DHRS4L2: variants seen among roughly 807,000 people sequenced by gnomAD.
DHRS4L2 encodes dehydrogenase/reductase SDR family member 4-like 2.
Under a neutral mutation model 23.9 loss-of-function variants are expected in DHRS4L2, and 22 were observed. The observed-to-expected ratio is 0.92, with a 90% CI of 0.66 to 1.31. DHRS4L2 has a LOEUF of 1.31. Among genes scored for constraint, DHRS4L2 ranks in the 40% most tolerant of loss-of-function variants. DHRS4L2 has a pLI of 0.00. For synonymous variants in DHRS4L2, 141 were observed against 123.7 expected (o/e 1.14, Z -0.93); for missense variants, 385 against 303.3 (o/e 1.27, Z -2.00).
chr14:24,004,453 GCAGCCCACAGCCCGC>G (rs1411327540), intron 7 of DHRS4L2, 61 bp downstream of exon 7: 1 of 1,560,850 alleles, frequency 6.4e-7, no homozygotes, highest in African/African-American at 1.5e-5. Flanking sequence ...CTGGTCCCTA[GCAGCCCACAGCCCGC>G]TGTCTCAGTC....
chr14:23,980,648 AC>A lies in DHRS4L2; in HGVS notation c.-175-9533del, dbSNP rs552832222. Among the ~76,000 whole-genome samples the A allele has an allele frequency of 2.7e-4, 41 of 150,202 alleles. No individual in the cohort carries two copies. In the East Asian group the frequency reaches 7.1e-3, roughly 26 times the overall value. On this transcript the variant is annotated intron_variant, in intron 1 of 5. Coordinates refer to the DHRS4L2 transcript ENST00000534993. ...ATTCCTGGGATACAAGGCTGGTTCAACATAAGCAAATCAATAAACATAGTCC... is the reference window on the plus strand; with the variant it reads ...ATTCCTGGGATACAAGGCTGGTTCAAATAAGCAAATCAATAAACATAGTCC...
At position 24,006,069 on chromosome 14, in the gene DHRS4L2, T is replaced by C; in HGVS notation, c.*206T>C. On this transcript the variant is annotated 3_prime_UTR_variant, in exon 8 of 8. Coordinates refer to ENST00000335125, the MANE Select transcript of DHRS4L2 (RefSeq NM_198083.4). ...TGGTGCTGTTCCTGCATTCACCCAC[T>C]GGCCTTTCCCACCTCTGCTCACCTT... 6.3e-7 allele frequency: 1 copy of C among 1,576,906 alleles called. No individual in the cohort carries two copies. Among genetic ancestry groups the C allele is most frequent in the Non-Finnish European group, 8.6e-7 (1 of 1,162,404 alleles).
Position 23,990,311 on chromosome 14 carries a change from T to A in DHRS4L2, c.258T>A (p.Thr86=), listed in dbSNP as rs45583341. Residue 86 remains threonine (T), a synonymous_variant, in exon 2 of 8, where the codon ACT becomes ACA. Transcript: ENST00000335125. ...LQGEGLSVTG[T]VCHVGKAEDR... ...GGGAGGGGCTGAGCGTGACGGGCAC[T>A]GTGTGCCATGTGGGGAAGGCGGAGG... 3 of 1,610,140 alleles carry A rather than the reference T, an allele frequency of 1.9e-6. No homozygotes were observed. The highest frequency in any genetic ancestry group is 3.3e-5 in the Admixed American group (2 of 59,728).
At chr14:24,000,116 T>C (rs2034458024) in intron 3 of DHRS4L2, among the ~76,000 whole-genome samples, 1 of 141,704 alleles carries the variant, frequency 7.1e-6, no homozygotes, top group African/African-American at 2.9e-5. Context: ...TAAAAAACTG[T>C]ACAGATCTAC....
chr14:23,975,201 A>G (rs1349963877), intron 1 of DHRS4L2, among the ~76,000 whole-genome samples: 1 of 151,776 alleles, frequency 6.6e-6, no homozygotes, highest in African/African-American at 2.4e-5. Flanking sequence ...TCTCAGCCCA[A>G]AATCTCCTTA....
chr14:23,998,501 T>A (rs1344763537), intron 3 of DHRS4L2, among the ~76,000 whole-genome samples: 2 of 150,390 alleles, frequency 1.3e-5, no homozygotes, highest in Non-Finnish European at 3.0e-5. Flanking sequence ...TCATCAATGA[T>A]CTTAGCTAGA....
chr14:23,981,719 C>T (rs1324863857), intron 1 of DHRS4L2, among the ~76,000 whole-genome samples: 1 of 151,620 alleles, frequency 6.6e-6, no homozygotes, highest in Non-Finnish European at 1.5e-5. Flanking sequence ...AGCAGAAGAG[C>T]AGGGTGATAG....
chr14:24,006,234 C>G lies in DHRS4L2; in HGVS notation c.*371C>G. 1 of 571,992 alleles carries G rather than the reference C, an allele frequency of 1.7e-6. No individual in the cohort carries two copies. 35.4% of individuals were successfully genotyped at this position (571,992 alleles called of 1,614,324 possible). A position where few individuals can be genotyped will look rare whatever the true frequency, so the allele number is the denominator to read the frequency against. On this transcript the variant is annotated 3_prime_UTR_variant, in exon 8 of 8. Coordinates refer to ENST00000335125, the MANE Select transcript of DHRS4L2 (RefSeq NM_198083.4). The stretch of plus-strand genomic sequence containing the variant: ...CCCCTGAGAACACAGGACAGGCCTG[C>G]TGACAAGGCTGAGTCTACCTTGGCA...
At chr14:23,994,532 A>C (rs2034337346) in intron 2 of DHRS4L2, among the ~76,000 whole-genome samples, 1 of 151,478 alleles carries the variant, frequency 6.6e-6, no homozygotes, top group Non-Finnish European at 1.5e-5. Context: ...TACAAAAAAT[A>C]CAAAAATTGC....
upstream of DHRS4L2, among the ~76,000 whole-genome samples, chr14:23,985,016 G>C (rs1472406246): frequency 1.3e-5 from 2 of 151,288 alleles, no homozygotes; most frequent in East Asian, 3.9e-4. Flanking sequence ...TTGTCAGTAA[G>C]CTGCTTGACT....
upstream of DHRS4L2, among the ~76,000 whole-genome samples, chr14:23,984,963 C>T (rs1412471634): frequency 6.6e-6 from 1 of 151,338 alleles, no homozygotes; most frequent in African/African-American, 2.4e-5. Flanking sequence ...CTTCTATACC[C>T]CTTCGTATTT....
At chr14:23,997,945 A>G (rs939236447) in intron 3 of DHRS4L2, among the ~76,000 whole-genome samples, 37 of 151,944 alleles carry the variant, frequency 2.4e-4, no homozygotes, top group Admixed American at 9.2e-4. Context: ...ATCACTATCC[A>G]TGGCAGCTAT....
At chr14:23,976,975 G>A (rs535088731) in intron 1 of DHRS4L2, among the ~76,000 whole-genome samples, 53 of 151,734 alleles carry the variant, frequency 3.5e-4, no homozygotes, top group African/African-American at 1.3e-3. Context: ...GCTGGGAGAG[G>A]GATAGCATTA....
chr14:23,980,736 C>A (rs2034036065), intron 1 of DHRS4L2, among the ~76,000 whole-genome samples: 1 of 150,928 alleles, frequency 6.6e-6, no homozygotes, highest in African/African-American at 2.4e-5. Context: ...CAGAAAAGAC[C>A]TTTGACAAAA....
At chr14:23,991,236 C>A (rs2034262447) in intron 2 of DHRS4L2, among the ~76,000 whole-genome samples, 2 of 151,636 alleles carry the variant, frequency 1.3e-5, no homozygotes, top group African/African-American at 4.8e-5. Flanking sequence ...TAGGGTAATT[C>A]CATTTTTAAG....
chr14:23,989,027 G>T lies in DHRS4L2; in HGVS notation c.80G>T (p.Arg27Leu). The change falls in exon 1 of 8, where the codon CGG (arginine) becomes CTG (leucine). Residue 27 changes from arginine to leucine, a missense_variant. Arg to Leu is a moderately radical substitution (Grantham distance 102). Coordinates refer to ENST00000335125, the MANE Select transcript of DHRS4L2 (RefSeq NM_198083.4). Reference sequence around the variant, plus strand: ...ATGGCCAGCTCCAGGATGACCCGCCGGGACCCGCTCACAAATAAGGTGGCC... The same window carrying T: ...ATGGCCAGCTCCAGGATGACCCGCCTGGACCCGCTCACAAATAAGGTGGCC... ...VRMASSRMTRRDPLTNKVALV... is the reference protein window; with the variant it reads ...VRMASSRMTRLDPLTNKVALV... 1 of 1,604,460 alleles carries T rather than the reference G, an allele frequency of 6.2e-7. No homozygotes were observed. The highest frequency in any genetic ancestry group is 8.5e-7 in the Non-Finnish European group (1 of 1,175,612).
At chr14:24,000,680 C>G (rs1487176527) in intron 3 of DHRS4L2, among the ~76,000 whole-genome samples, 183 bp from the exon 4 acceptor site, 1 of 151,888 alleles carries the variant, frequency 6.6e-6, no homozygotes, top group Non-Finnish European at 1.5e-5. Flanking sequence ...TCTAGCTGAG[C>G]AGCTGGTGAG....
intron 1 of DHRS4L2, among the ~76,000 whole-genome samples, chr14:23,975,330 A>G (rs2033945839): frequency 6.6e-6 from 1 of 151,768 alleles, no homozygotes; most frequent in Non-Finnish European, 1.5e-5. Context: ...CCCATTCACA[A>G]TTGCTACAAA....
rs1314504955 is a variant in DHRS4L2, at chr14:24,001,146, C to T, written c.531+62C>T. ...TCCACTCCACATCTTTCCACCCCTC[C>T]TATTACCCAAAGAAGTTTGTGTCCC... On this transcript the variant is annotated intron_variant, in intron 5 of 7. Transcript: ENST00000335125. 4.1e-5 allele frequency: 66 copies of T among 1,609,322 alleles called. 2 individuals are homozygous for T. The Middle Eastern group carries it at 8.2e-4, about 20-fold the overall frequency.
Sources: gnomAD v4.1 joint callset for allele counts (sites outside exome capture counted in the v4.1 genomes callset) on GRCh38, gnomAD v4.1.1 for gene constraint, MANE v1.5 for transcripts, NCBI Gene and HGNC (gene_info 2026-07-23, HGNC 2026-07-21) for gene names.